The following STPG2 variants were observed in gnomAD, a reference collection of about 807,000 sequenced individuals.
STPG2 encodes the protein sperm-tail PG-rich repeat-containing protein 2.
STPG2 carries 56 observed loss-of-function variants against 54.2 expected under a neutral mutation model. The observed-to-expected ratio is 1.03, with a 90% CI of 0.83 to 1.29. The LOEUF is 1.29. STPG2 is among the 50% of genes most tolerant of loss of function. The pLI is 0.00. For synonymous variants in STPG2, 200 were observed against 181.8 expected, an observed-to-expected ratio of 1.10 and a Z score of -0.81; for missense variants, 596 against 544.9, an observed-to-expected ratio of 1.09 and a Z score of -0.93.
chr4:97,707,823 C>T (rs532189260), intron 10 of STPG2, among the ~76,000 whole-genome samples: 1 of 151,976 alleles, frequency 6.6e-6, no homozygotes, highest in Non-Finnish European at 1.5e-5. Flanking sequence ...AAACCATATC[C>T]AAATCAAAAG....
At chr4:97,454,682 C>A (rs1220515910) in intron 4 of STPG2, among the ~76,000 whole-genome samples, 1 of 151,210 alleles carries the variant, frequency 6.6e-6, no homozygotes, top group Non-Finnish European at 1.5e-5. Flanking sequence ...AAAAAAAAAT[C>A]TGGAATATTA....
At chr4:97,817,598 G>T (rs973123626) in intron 9 of STPG2, among the ~76,000 whole-genome samples, 30 of 151,826 alleles carry the variant, frequency 2.0e-4, no homozygotes, top group African/African-American at 6.3e-4. Flanking sequence ...TTATCTAGAG[G>T]ATTATTAGAC....
chr4:97,827,740 G>A (rs968314308), intron 9 of STPG2, among the ~76,000 whole-genome samples: 4 of 152,130 alleles, frequency 2.6e-5, no homozygotes, highest in African/African-American at 9.7e-5. Context: ...ATTTTACCAA[G>A]GCTTTGACTG....
intron 8 of STPG2, among the ~76,000 whole-genome samples, chr4:97,875,644 C>A (rs1299703464): frequency 1.3e-5 from 2 of 151,816 alleles, no homozygotes; most frequent in Non-Finnish European, 2.9e-5. Context: ...TAGAACATAG[C>A]AAGGTCATAA....
intron 5 of STPG2, among the ~76,000 whole-genome samples, chr4:98,101,029 T>C (rs1739019448): frequency 1.3e-5 from 2 of 150,472 alleles, no homozygotes; most frequent in East Asian, 1.9e-4. Context: ...TTATTTTCCT[T>C]GGACCTTTAA....
chr4:97,477,751 A>G (rs1338055862), intron 4 of STPG2, among the ~76,000 whole-genome samples: 1 of 151,778 alleles, frequency 6.6e-6, no homozygotes, highest in Non-Finnish European at 1.5e-5. Flanking sequence ...TGGCCTCCCA[A>G]AGTGCTGGGA....
intron 10 of STPG2, among the ~76,000 whole-genome samples, chr4:97,652,124 A>C (rs1291264185): frequency 6.6e-6 from 1 of 151,888 alleles, no homozygotes; most frequent in Non-Finnish European, 1.5e-5. Context: ...GAAAGCTTTT[A>C]TCTAAAGGCC....
rs554663699 is a variant in STPG2 at position 97,575,582 on chromosome 4, A to AT, written c.1321-16466dup. ...GATAAAAATCTAACATATTTTCATG[A>AT]TAAAAACCCACAACAAATGGGACAT... On this transcript the variant is annotated intron_variant, in intron 10 of 10. Transcript: ENST00000295268. 1.4e-4 allele frequency among the ~76,000 whole-genome samples: 22 copies of AT among 152,262 alleles called. No homozygotes were observed. The South Asian group carries it at 4.6e-3, about 32-fold the overall frequency.
At chr4:97,954,952 T>A (rs1733617473) in intron 7 of STPG2, among the ~76,000 whole-genome samples, 1 of 152,140 alleles carries the variant, frequency 6.6e-6, no homozygotes, top group African/African-American at 2.4e-5. Context: ...AAACTATGAT[T>A]AATGTGTTCA....
chr4:97,827,236 CTT>C (rs34545198), intron 9 of STPG2, among the ~76,000 whole-genome samples: 11 of 129,902 alleles, frequency 8.5e-5, no homozygotes, highest in Admixed American at 8.0e-5. Flanking sequence ...CTATAGACAG[CTT>C]TTTTTTTTTT....
At chr4:97,914,409 A>T (rs1476557057) in intron 8 of STPG2, among the ~76,000 whole-genome samples, 1 of 151,990 alleles carries the variant, frequency 6.6e-6, no homozygotes, top group Non-Finnish European at 1.5e-5. Flanking sequence ...TCATGAAAAG[A>T]TTTTTTTTAA....
chr4:97,777,550 T>C (rs150862972), intron 9 of STPG2, among the ~76,000 whole-genome samples: 2 of 152,320 alleles, frequency 1.3e-5, no homozygotes, highest in East Asian at 1.9e-4. Context: ...CCTGGTTCTA[T>C]TAGCTCTAGG....
chr4:98,098,246 C>A (rs1738919403), intron 5 of STPG2, among the ~76,000 whole-genome samples: 1 of 152,076 alleles, frequency 6.6e-6, no homozygotes, highest in African/African-American at 2.4e-5. Context: ...GTAACCAAAA[C>A]ACCATGGTAC....
At chr4:97,911,835 G>A (rs1040842724) in intron 8 of STPG2, among the ~76,000 whole-genome samples, 1 of 152,112 alleles carries the variant, frequency 6.6e-6, no homozygotes, top group African/African-American at 2.4e-5. Flanking sequence ...CCACCAAGAG[G>A]CAGCCAGACT....
chr4:97,960,952 C>T, intron 7 of STPG2, among the ~76,000 whole-genome samples: 1 of 152,054 alleles, frequency 6.6e-6, no homozygotes, highest in Non-Finnish European at 1.5e-5. Flanking sequence ...AACTACACTA[C>T]AAGGCCATAG....
rs576788060 is a variant in STPG2, at chr4:97,904,170, G to A, written c.1044+39727C>T. ...CAGGGCACAGAAAAACAAAAAGACAGCAGTAACCTCTGCAGACTTAAATGT... is the reference window on the plus strand; with the variant it reads ...CAGGGCACAGAAAAACAAAAAGACAACAGTAACCTCTGCAGACTTAAATGT... On this transcript the variant is annotated intron_variant, in intron 8 of 10. Coordinates refer to ENST00000295268, the MANE Select transcript of STPG2 (RefSeq NM_174952.3). 4.2e-3 allele frequency among the ~76,000 whole-genome samples: 642 copies of A among 152,290 alleles called. 3 individuals are homozygous for A. The highest frequency in any genetic ancestry group is 0.024 in the South Asian group (116 of 4,826).
intron 2 of STPG2, among the ~76,000 whole-genome samples, chr4:98,129,399 T>C (rs1024629508): frequency 2.0e-5 from 3 of 152,188 alleles, no homozygotes; most frequent in Non-Finnish European, 4.4e-5. Flanking sequence ...GTATGCAAGC[T>C]ATATAGCAGG....
At chr4:97,865,978 T>C (rs1303196640) in intron 8 of STPG2, among the ~76,000 whole-genome samples, 2 of 151,938 alleles carry the variant, frequency 1.3e-5, no homozygotes, top group African/African-American at 4.8e-5. Context: ...TGTTAAATGA[T>C]AGAAGCCAGG....
intron 9 of STPG2, among the ~76,000 whole-genome samples, chr4:97,795,360 C>T (rs1003413231): frequency 2.6e-5 from 4 of 152,140 alleles, no homozygotes; most frequent in South Asian, 2.1e-4. Flanking sequence ...CCTCATCCTA[C>T]GACAGGCCCC....
Sources: gnomAD v4.1 joint callset for allele counts (sites outside exome capture counted in the v4.1 genomes callset) on GRCh38, gnomAD v4.1.1 for gene constraint, MANE v1.5 for transcripts, NCBI Gene and HGNC (gene_info 2026-07-23, HGNC 2026-07-21) for gene names.